CCDC51: variants seen among roughly 807,000 people sequenced by gnomAD.
The protein encoded by CCDC51 is mitochondrial potassium channel.
Under a neutral mutation model 24.8 loss-of-function variants are expected in CCDC51, and 25 were observed. The ratio of observed to expected loss-of-function variants is 1.01; its 90% confidence interval spans 0.73 to 1.41. The LOEUF (loss-of-function observed/expected upper bound fraction) is 1.41, where lower values mean the gene tolerates loss of function less well. Ranked by LOEUF, CCDC51 falls within the 40% of genes most tolerant of loss-of-function variation. The pLI, the probability that CCDC51 is intolerant of heterozygous loss-of-function variation, is 0.00. For missense variants in CCDC51, 466 were observed against 519.1 expected (o/e 0.90, Z 0.99); for synonymous variants, 190 against 204.3 (o/e 0.93, Z 0.60).
Position 48,440,056 on chromosome 3 carries a change from T to G in CCDC51, c.-77A>C. The G allele has an allele frequency of 1.6e-6, 1 of 638,714 alleles. No individual in the cohort carries two copies. 39.6% of individuals were successfully genotyped at this position (638,714 alleles called of 1,614,324 possible). ...TCCGGTTAAGTACCCCTCCTACGGT[T>G]CCGATTCTACCCTGGCAGGACAACC... is the stretch of plus-strand genomic sequence containing the variant. On this transcript the variant is annotated 5_prime_UTR_variant, in exon 1 of 4. Coordinates refer to ENST00000395694, the MANE Select transcript of CCDC51 (RefSeq NM_001256964.2).
rs1305878740 is a variant in CCDC51, at chr3:48,433,550, G to A, written c.477+157C>T. Among the ~76,000 whole-genome samples, 1 of 152,196 alleles carries A rather than the reference G, an allele frequency of 6.6e-6. No individual in the cohort carries two copies. Among genetic ancestry groups the A allele is most frequent in the East Asian group, 1.9e-4 (1 of 5,200 alleles). On this transcript the variant is annotated intron_variant, in intron 3 of 3. Transcript: ENST00000395694. The surrounding 1 kb of genome is among the most constrained non-coding windows in gnomAD (Gnocchi z 4.4). ...GAAGAAAGTATATGGATAGACTCTGGAAGCTTGGGGTTCTGTCCATCCATA... is the reference window on the plus strand; with the variant it reads ...GAAGAAAGTATATGGATAGACTCTGAAAGCTTGGGGTTCTGTCCATCCATA...
intron 1 of CCDC51, among the ~76,000 whole-genome samples, chr3:48,439,660 G>A (rs1299651518): frequency 2.6e-5 from 4 of 152,058 alleles, no homozygotes; most frequent in African/African-American, 9.7e-5. Flanking sequence ...AAGCTTTATT[G>A]ATATATAACT....
At chr3:48,440,346 C>T (rs199622690), upstream of CCDC51, 14 of 1,611,734 alleles carry the variant, frequency 8.7e-6, no homozygotes, top group Admixed American at 1.0e-4. Context: ...ACTGCGGGGA[C>T]GGCGGGGTGG....
Position 48,432,912 on chromosome 3 carries a change from G to A in CCDC51, c.732C>T (p.Leu244=), listed in dbSNP as rs750773343. 6.2e-7 allele frequency: 1 copy of A among 1,614,040 alleles called. No individual in the cohort carries two copies. The highest frequency in any genetic ancestry group is 8.5e-7 in the Non-Finnish European group (1 of 1,180,020). Residue 244 remains leucine (L), a synonymous_variant, in exon 4 of 4, where the codon CTC becomes CTT. Transcript: ENST00000395694. ...ACGCCTGTTCTCGAATGGCCTCTTG[G>A]AGACTCACAGGCCCCTTCTGCGCCT... ...LLEAQKGPVS[L]QEAIREQASS...
At position 48,433,925 on chromosome 3, in the gene CCDC51, C is replaced by A; in HGVS notation, c.313-54G>T. On this transcript the variant is annotated intron_variant, in intron 2 of 3. Transcript: ENST00000395694. This position sits in a 1 kb window ranked among gnomAD's most constrained non-coding sequence, Gnocchi z 4.4. Reference sequence around the variant, plus strand: ...CACCTTCTCTCCACACCCACACAGGCTCAGCTGCATTCCCAGCAAGGCATT... The same window carrying A: ...CACCTTCTCTCCACACCCACACAGGATCAGCTGCATTCCCAGCAAGGCATT... 3 of 1,577,578 alleles carry A rather than the reference C, an allele frequency of 1.9e-6. No homozygotes were observed. The highest frequency in any genetic ancestry group is 2.6e-6 in the Non-Finnish European group (3 of 1,160,662).
At position 48,434,896 on chromosome 3, in the gene CCDC51, G is replaced by A; in HGVS notation, c.233C>T (p.Thr78Ile). 6.2e-7 allele frequency: 1 copy of A among 1,614,248 alleles called. No individual in the cohort carries two copies. The highest frequency in any genetic ancestry group is 1.1e-5 in the South Asian group (1 of 91,088). The change falls in exon 2 of 4, where the codon ACA (threonine) becomes ATA (isoleucine). Residue 78 changes from threonine to isoleucine, a missense_variant. Physicochemically the swap from Thr to Ile is moderately conservative, Grantham distance 89. Transcript: ENST00000395694. ...ATATCTGTCCCACCAAGTCTTGGCT[G>A]TGGAGGTCGCTCGTTGCTGAATGCT... is the stretch of plus-strand genomic sequence containing the variant. ...GHSIQQRATS[T>I]AKTWWDRYEE... is the part of the protein sequence containing the mutation.
upstream of CCDC51, chr3:48,440,285 G>A (rs765641351): frequency 3.6e-5 from 57 of 1,601,632 alleles, no homozygotes; most frequent in Non-Finnish European, 4.9e-5. Context: ...TGGGGAAGCG[G>A]CGGCAGGCGC....
rs199514353 is a variant in CCDC51 at position 48,433,826 on chromosome 3, G to A, written c.358C>T (p.Arg120Trp). 1.2e-4 allele frequency: 195 copies of A among 1,613,926 alleles called. 1 individual carries two copies. In the African/African-American group the frequency reaches 2.0e-3, roughly 17 times the overall value. ...GCCTGGTGAACTTCCAAGTCCTCCC[G>A]AGCCTCTCGGACAAGCCCTCGAGCC... ...MVARGLVREA[R>W]EDLEVHQAKL... Residue 120 changes from arginine (R) to tryptophan (W), a missense_variant, in exon 3 of 4, where the codon CGG (arginine) becomes TGG (tryptophan). Transcript: ENST00000395694. The surrounding 1 kb of genome is among the most constrained non-coding windows in gnomAD (Gnocchi z 4.4).
At chr3:48,445,982 C>G in the CCDC51 span, among the ~76,000 whole-genome samples, 1 of 152,156 alleles carries the variant, frequency 6.6e-6, no homozygotes, top group Non-Finnish European at 1.5e-5. Flanking sequence ...TGTGGCCTCC[C>G]TTTCAATGTA....
rs2039339364 is a variant in CCDC51, at chr3:48,435,935, G to A, written c.-8-799C>T. Among the ~76,000 whole-genome samples, 1 of 152,062 alleles carries A rather than the reference G, an allele frequency of 6.6e-6. No homozygotes were observed. Among genetic ancestry groups the A allele is most frequent in the Non-Finnish European group, 1.5e-5 (1 of 68,024 alleles). Reference sequence around the variant, plus strand: ...CTCTCCAACCTGCCATTGCTCAACAGGTTAGGTTTCTCTCATCTTTCCCTT... The same window carrying A: ...CTCTCCAACCTGCCATTGCTCAACAAGTTAGGTTTCTCTCATCTTTCCCTT... On this transcript the variant is annotated intron_variant, in intron 1 of 3. Coordinates refer to ENST00000395694, the MANE Select transcript of CCDC51 (RefSeq NM_001256964.2). This position sits in a 1 kb window ranked among gnomAD's most constrained non-coding sequence, Gnocchi z 4.2.
Position 48,435,134 on chromosome 3 carries a change from G to C in CCDC51, c.-6C>G. On this transcript the variant is annotated splice_region_variant and 5_prime_UTR_variant, in exon 2 of 4. It adds an upstream start codon to the 5' untranslated region. Coordinates refer to ENST00000395694, the MANE Select transcript of CCDC51 (RefSeq NM_001256964.2). This position sits in a 1 kb window ranked among gnomAD's most constrained non-coding sequence, Gnocchi z 4.2. Reference sequence around the variant, plus strand: ...CCAGGGCTGCGCCCCATCATCCTGAGATCTGTGAGGGGGACGCCAGACAGG... The same window carrying C: ...CCAGGGCTGCGCCCCATCATCCTGACATCTGTGAGGGGGACGCCAGACAGG... 2.6e-6 allele frequency: 4 copies of C among 1,564,062 alleles called. No individual in the cohort carries two copies. The highest frequency in any genetic ancestry group is 3.5e-6 in the Non-Finnish European group (4 of 1,156,306).
the CCDC51 span, among the ~76,000 whole-genome samples, chr3:48,445,930 C>CT: frequency 6.6e-6 from 1 of 152,130 alleles, no homozygotes; most frequent in African/African-American, 2.4e-5. Flanking sequence ...CTTTGTGAAG[C>CT]TTTACCTCTG....
At chr3:48,443,049 G>C (rs988016334), upstream of CCDC51, among the ~76,000 whole-genome samples, 2 of 151,740 alleles carry the variant, frequency 1.3e-5, no homozygotes, top group Non-Finnish European at 2.9e-5. Flanking sequence ...AGACCTGCCT[G>C]GCCAACATGG....
chr3:48,432,390 T>C lies in CCDC51; in HGVS notation c.*18A>G. 6.2e-7 allele frequency: 1 copy of C among 1,612,810 alleles called. No individual in the cohort carries two copies. The highest frequency in any genetic ancestry group is 1.1e-5 in the South Asian group (1 of 91,052). The stretch of plus-strand genomic sequence containing the variant: ...TTCACAGCTATTGCCTCAGACCCTC[T>C]GGAGGAGGGGCCAGGGGTTAGCTGG... On this transcript the variant is annotated 3_prime_UTR_variant, in exon 4 of 4. Coordinates refer to ENST00000395694, the MANE Select transcript of CCDC51 (RefSeq NM_001256964.2).
rs754924178 is a variant in CCDC51, at chr3:48,433,757, C to T, written c.427G>A (p.Glu143Lys). The T allele has an allele frequency of 6.2e-7, 1 of 1,614,086 alleles. No individual in the cohort carries two copies. The highest frequency in any genetic ancestry group is 1.1e-5 in the South Asian group (1 of 91,072). The change falls in exon 3 of 4, where the codon GAG (glutamate) becomes AAG (lysine). Residue 143 changes from glutamate (E) to lysine (K), a missense_variant. Physicochemically the swap from Glu to Lys is moderately conservative, Grantham distance 56. Coordinates refer to ENST00000395694, the MANE Select transcript of CCDC51 (RefSeq NM_001256964.2). The surrounding 1 kb of genome is among the most constrained non-coding windows in gnomAD (Gnocchi z 4.4). ...VRDRLDRVSR[E>K]DSQYLELATL... Reference sequence around the variant, plus strand: ...GCCAGTTCCAAGTACTGACTGTCCTCCCTGGAGACACGGTCCAAGCGGTCC... The same window carrying T: ...GCCAGTTCCAAGTACTGACTGTCCTTCCTGGAGACACGGTCCAAGCGGTCC...
chr3:48,434,690 C>A (rs1343171167), intron 2 of CCDC51, 127 bp downstream of exon 2: 2 of 844,514 alleles, frequency 2.4e-6, no homozygotes, highest in Non-Finnish European at 3.7e-6. Flanking sequence ...AAGCATCAAG[C>A]CCAGGTTTCC....
the CCDC51 span, chr3:48,446,112 A>G: frequency 6.6e-6 from 1 of 151,928 alleles, no homozygotes; most frequent in Admixed American, 6.6e-5. Context: ...CCTGAGCCCT[A>G]TTCTATACAA....
At chr3:48,438,964 T>G (rs1219766168) in intron 1 of CCDC51, among the ~76,000 whole-genome samples, 1 of 152,190 alleles carries the variant, frequency 6.6e-6, no homozygotes, top group East Asian at 1.9e-4. Context: ...TTCTTGAAGT[T>G]GCTGGAACGC....
At chr3:48,440,722 C>T (rs1560096152), upstream of CCDC51, 1 of 1,134,900 alleles carries the variant, frequency 8.8e-7, no homozygotes, top group Non-Finnish European at 1.3e-6. Flanking sequence ...GCCTCCTGAA[C>T]TGCGAGGTCT....
Sources: gnomAD v4.1 joint callset for allele counts (sites outside exome capture counted in the v4.1 genomes callset) on GRCh38, gnomAD v4.1.1 for gene constraint, Gnocchi (gnomAD v3.1) non-coding constraint, MANE v1.5 for transcripts, NCBI Gene and HGNC (gene_info 2026-07-23, HGNC 2026-07-21) for gene names.